The following ASXL2 variants were observed in gnomAD, a reference collection of about 807,000 sequenced individuals.
ASXL2 encodes putative Polycomb group protein ASXL2.
A neutral mutation model predicts 122.0 loss-of-function variants in ASXL2; 23 were observed. That is an observed-to-expected ratio of 0.19 (90% confidence interval 0.14 to 0.27). The LOEUF is 0.27. Ranked by LOEUF, ASXL2 falls within the 10% of genes least tolerant of loss-of-function variation. ASXL2 has a pLI of 1.00. For synonymous variants in ASXL2, 650 were observed against 637.0 expected (o/e 1.02, Z -0.31); for missense variants, 1,518 against 1,713.8 (o/e 0.89, Z 2.02).
intron 3 of ASXL2, among the ~76,000 whole-genome samples, chr2:25,831,992 T>C (rs918413081): frequency 1.3e-5 from 2 of 152,164 alleles, no homozygotes; most frequent in Non-Finnish European, 2.9e-5. Flanking sequence ...CTATATCTGA[T>C]GAAACAGCTT....
intron 7 of ASXL2, among the ~76,000 whole-genome samples, chr2:25,768,209 A>G (rs1471359134): frequency 6.6e-6 from 1 of 152,208 alleles, no homozygotes; most frequent in Non-Finnish European, 1.5e-5. Context: ...GAAACATCAG[A>G]TTTTAAGGTT....
chr2:25,862,118 A>G (rs1181708800), intron 1 of ASXL2, among the ~76,000 whole-genome samples: 3 of 152,234 alleles, frequency 2.0e-5, no homozygotes, highest in Non-Finnish European at 4.4e-5. Flanking sequence ...TTTAAATATC[A>G]GTATTAATAG....
chr2:25,794,319 TCA>T (rs2088880591), intron 5 of ASXL2, among the ~76,000 whole-genome samples: 1 of 152,166 alleles, frequency 6.6e-6, no homozygotes, highest in Admixed American at 6.5e-5. Context: ...ACTTTTTCTA[TCA>T]GAAGATAAAA....
chr2:25,826,762 TAAAA>T (rs55765302), intron 3 of ASXL2, among the ~76,000 whole-genome samples: 17 of 68,082 alleles, frequency 2.5e-4, no homozygotes, highest in Non-Finnish European at 3.6e-4. Context: ...ACTTTCAAGG[TAAAA>T]AAAAAAAAAA....
Position 25,743,879 on chromosome 2 carries a change from G to C in ASXL2, c.2458C>G (p.His820Asp), listed in dbSNP as rs1255404452. 2 of 1,614,012 alleles carry C rather than the reference G, an allele frequency of 1.2e-6. No individual in the cohort carries two copies. Among genetic ancestry groups the C allele is most frequent in the East Asian group, 4.5e-5 (2 of 44,878 alleles). ...CTGCAACTACTGGGCCCTTGTGGAT[G>C]GCTGACAGAGGCCACTGTGGCTGTT... ...RATATVASVS[H>D]PQGPSSCRQE... The change falls in exon 13 of 13, where the codon CAT becomes GAT. Residue 820 changes from histidine (H) to aspartate (D), a missense_variant. His to Asp is a moderately conservative substitution (Grantham distance 81). This residue lies in a region of ASXL2 where 831 missense variants were observed against 833.1 expected (regional missense o/e 1.00). Transcript: ENST00000435504.
At chr2:25,863,055 C>G (rs928537807) in intron 1 of ASXL2, among the ~76,000 whole-genome samples, 1 of 152,156 alleles carries the variant, frequency 6.6e-6, no homozygotes, top group Non-Finnish European at 1.5e-5. Flanking sequence ...CACAGCCGGG[C>G]ACAGTGGCTC....
chr2:25,788,885 G>T (rs976188911), intron 5 of ASXL2, among the ~76,000 whole-genome samples: 1 of 151,486 alleles, frequency 6.6e-6, no homozygotes, highest in Admixed American at 6.6e-5. Context: ...TTAAAGTTAC[G>T]TTTTGATGAA....
intron 5 of ASXL2, 147 bp from the exon 6 acceptor site, chr2:25,771,687 C>A: frequency 1.5e-6 from 1 of 646,920 alleles, no homozygotes; most frequent in Non-Finnish European, 2.6e-6. Flanking sequence ...TTACTGCAAA[C>A]AGCCTCCCTT....
chr2:25,814,491 C>G (rs750664523), intron 3 of ASXL2, among the ~76,000 whole-genome samples: 2 of 152,198 alleles, frequency 1.3e-5, no homozygotes, highest in African/African-American at 4.8e-5. Flanking sequence ...GTAGTAAGAA[C>G]CACCTTAAAG....
chr2:25,864,663 A>C (rs1370366093), intron 1 of ASXL2, among the ~76,000 whole-genome samples: 1 of 152,044 alleles, frequency 6.6e-6, no homozygotes, highest in African/African-American at 2.4e-5. Flanking sequence ...AAACTTTAGT[A>C]CTATTTAAAA....
intron 8 of ASXL2, among the ~76,000 whole-genome samples, chr2:25,762,620 G>A (rs113950472): frequency 1.3e-3 from 176 of 130,712 alleles, no homozygotes; most frequent in African/African-American, 5.1e-3. Flanking sequence ...ACCCGAGATC[G>A]CACCACTGTA....
chr2:25,789,682 T>C (rs1466734909), intron 5 of ASXL2, among the ~76,000 whole-genome samples: 1 of 152,190 alleles, frequency 6.6e-6, no homozygotes, highest in Non-Finnish European at 1.5e-5. Context: ...GAAATGTTCA[T>C]TGGAGCATTC....
intron 2 of ASXL2, among the ~76,000 whole-genome samples, chr2:25,844,424 T>C (rs1366439152): frequency 6.6e-6 from 1 of 151,754 alleles, no homozygotes; most frequent in Non-Finnish European, 1.5e-5. Context: ...CTACTAAAAG[T>C]ACAAAAATTA....
chr2:25,871,881 T>C (rs561944046), intron 1 of ASXL2, among the ~76,000 whole-genome samples: 5 of 152,248 alleles, frequency 3.3e-5, no homozygotes, highest in East Asian at 1.9e-4. Context: ...AGAAAGTAAT[T>C]TGACGAATGT....
chr2:25,854,084 G>T (rs1041334998), intron 1 of ASXL2, among the ~76,000 whole-genome samples: 2 of 152,160 alleles, frequency 1.3e-5, no homozygotes, highest in Non-Finnish European at 2.9e-5. Flanking sequence ...AGCTGACATT[G>T]TAAGCTCATG....
intron 1 of ASXL2, among the ~76,000 whole-genome samples, chr2:25,875,063 G>A (rs1414980663): frequency 1.3e-5 from 2 of 152,186 alleles, no homozygotes; most frequent in South Asian, 4.1e-4. Context: ...TTGGGCGACA[G>A]AGCAAGATCC....
chr2:25,878,110 C>T (rs1005845918), intron 1 of ASXL2, 56 bp downstream of exon 1: 6 of 1,603,436 alleles, frequency 3.7e-6, no homozygotes, highest in Non-Finnish European at 5.1e-6. Context: ...CTGCGACTGG[C>T]GGGCGACAAG....
chr2:25,773,457 A>T (rs2149157134), intron 5 of ASXL2, among the ~76,000 whole-genome samples: 1 of 152,102 alleles, frequency 6.6e-6, no homozygotes, highest in African/African-American at 2.4e-5. Context: ...CAAGGTCAGG[A>T]GATTGAGACC....
intron 5 of ASXL2, among the ~76,000 whole-genome samples, chr2:25,783,044 G>A (rs533237143): frequency 2.6e-5 from 4 of 152,104 alleles, no homozygotes; most frequent in African/African-American, 4.8e-5. Flanking sequence ...CAGGAGAATC[G>A]CTTGAATCCA....
Sources: gnomAD v4.1 joint callset for allele counts (sites outside exome capture counted in the v4.1 genomes callset) on GRCh38, gnomAD v4.1.1 for gene constraint, gnomAD v4.1.1 regional missense constraint, MANE v1.5 for transcripts, NCBI Gene and HGNC (gene_info 2026-07-23, HGNC 2026-07-21) for gene names.